The following UBASH3B variants were observed in gnomAD, a reference collection of about 807,000 sequenced individuals.
UBASH3B encodes the protein ubiquitin-associated and SH3 domain-containing protein B.
Under a neutral mutation model 83.4 loss-of-function variants are expected in UBASH3B, and 37 were observed. The observed-to-expected ratio is 0.44, with a 90% CI of 0.34 to 0.58. UBASH3B has a LOEUF of 0.58. Among genes scored for constraint, UBASH3B ranks in the 20% least tolerant of loss-of-function variants. UBASH3B has a pLI of 0.01. For missense variants in UBASH3B, 657 were observed against 827.2 expected (o/e 0.79, Z 2.52); for synonymous variants, 304 against 318.3 (o/e 0.96, Z 0.48).
rs1864216101 is a variant in UBASH3B, at chr11:122,712,905, T to TTG, written c.161+56696_161+56697insGT. On this transcript the variant is annotated intron_variant, in intron 1 of 13. Transcript: ENST00000284273. Reference sequence around the variant, plus strand: ...CTTTCTTCTCTGGGTGGTTTTTTTTTTTTTTTTTTTTTTTTTTTTTTGAGA... The same window carrying TTG: ...CTTTCTTCTCTGGGTGGTTTTTTTTTTGTTTTTTTTTTTTTTTTTTTTTGAGA... Among the ~76,000 whole-genome samples, 2 of 92,998 alleles carry TTG rather than the reference T, an allele frequency of 2.2e-5. 1 individual carries two copies. Among genetic ancestry groups the TTG allele is most frequent in the South Asian group, 7.1e-4 (2 of 2,816 alleles). 61.0% of individuals were successfully genotyped at this position (92,998 alleles called of 152,430 possible). A position where few individuals can be genotyped will look rare whatever the true frequency, so the allele number is the denominator to read the frequency against.
intron 1 of UBASH3B, among the ~76,000 whole-genome samples, chr11:122,760,272 A>T (rs1386510824): frequency 1.3e-5 from 2 of 152,102 alleles, no homozygotes; most frequent in African/African-American, 2.4e-5. Flanking sequence ...AATGCAAGTG[A>T]GTGTTAAAGG....
chr11:122,742,482 T>C (rs1259478502), intron 1 of UBASH3B, among the ~76,000 whole-genome samples: 2 of 152,204 alleles, frequency 1.3e-5, no homozygotes, highest in Non-Finnish European at 2.9e-5. Context: ...AAGGAGACCA[T>C]GGTCTGCTAC....
At chr11:122,666,867 C>A (rs571267677) in intron 1 of UBASH3B, among the ~76,000 whole-genome samples, 1 of 151,568 alleles carries the variant, frequency 6.6e-6, no homozygotes, top group East Asian at 1.9e-4. Flanking sequence ...TTTCTCTTCC[C>A]CTCCTCTCTC....
chr11:122,790,247 C>CCCTA (rs1861028265), intron 6 of UBASH3B, among the ~76,000 whole-genome samples: 1 of 152,046 alleles, frequency 6.6e-6, no homozygotes, highest in South Asian at 2.1e-4. Flanking sequence ...AATAAAGGTC[C>CCCTA]CCTACCCTAG....
chr11:122,667,756 C>T (rs1863539238), intron 1 of UBASH3B, among the ~76,000 whole-genome samples: 1 of 152,112 alleles, frequency 6.6e-6, no homozygotes, highest in African/African-American at 2.4e-5. Context: ...CAGAGGTAGA[C>T]GCTCAGAAAT....
In UBASH3B at chr11:122,771,521, G is replaced by A. The variant is rs185007527; in HGVS notation, c.162-4698G>A. ...CTCCCAAAGTGCTGGGATTACAGGC[G>A]TGAGCCACCGTGTCCAGCCTCTTAC... On this transcript the variant is annotated intron_variant, in intron 1 of 13. Transcript: ENST00000284273. 1.7e-3 allele frequency among the ~76,000 whole-genome samples: 263 copies of A among 152,282 alleles called. 1 individual carries two copies. The highest frequency in any genetic ancestry group is 6.0e-3 in the African/African-American group (250 of 41,564).
At chr11:122,787,608 G>A (rs962183230) in intron 5 of UBASH3B, among the ~76,000 whole-genome samples, 1 of 152,106 alleles carries the variant, frequency 6.6e-6, no homozygotes, top group Non-Finnish European at 1.5e-5. Flanking sequence ...TAGTTCACAG[G>A]CCTACCCAGC....
chr11:122,808,673 T>A (rs2135194660), intron 13 of UBASH3B, among the ~76,000 whole-genome samples: 1 of 152,374 alleles, frequency 6.6e-6, no homozygotes, highest in East Asian at 1.9e-4. Flanking sequence ...TCTTCCTTTC[T>A]GTGCCTGTGG....
At chr11:122,699,744 A>T (rs1449476604) in intron 1 of UBASH3B, among the ~76,000 whole-genome samples, 1 of 151,934 alleles carries the variant, frequency 6.6e-6, no homozygotes, top group Non-Finnish European at 1.5e-5. Context: ...CATGACAGCC[A>T]GATAATTTTT....
rs754409091 is a variant in UBASH3B at position 122,777,036 on chromosome 11, T to C, written c.228T>C (p.His76=). 4.4e-6 allele frequency: 7 copies of C among 1,608,448 alleles called. No homozygotes were observed. Among genetic ancestry groups the C allele is most frequent in the African/African-American group, 1.3e-5 (1 of 74,638 alleles). ...VQAACDWLFS[H]VGDPFLDDPL... is the part of the protein sequence containing the mutation. Reference sequence around the variant, plus strand: ...TTCTGTCTTACAGGTTATTCTCCCATGTCGGTGACCCCTTCCTGGATGACC... The same window carrying C: ...TTCTGTCTTACAGGTTATTCTCCCACGTCGGTGACCCCTTCCTGGATGACC... The change falls in exon 3 of 14, where the codon CAT becomes CAC. Residue 76 remains histidine (H), a synonymous_variant. Coordinates refer to ENST00000284273, the MANE Select transcript of UBASH3B (RefSeq NM_032873.5).
chr11:122,766,028 T>A (rs1860529827), intron 1 of UBASH3B, among the ~76,000 whole-genome samples: 1 of 152,100 alleles, frequency 6.6e-6, no homozygotes, highest in Admixed American at 6.5e-5. Context: ...GGCCTTTCAC[T>A]AGGCTGTGAA....
chr11:122,778,170 T>C (rs1395443979), intron 3 of UBASH3B, among the ~76,000 whole-genome samples: 1 of 152,222 alleles, frequency 6.6e-6, no homozygotes, highest in South Asian at 2.1e-4. Context: ...TTAAACCATT[T>C]TTATAAAAAA....
At chr11:122,712,896 G>GTTTTTTTTTTTTTTTTTTT (rs386375116) in intron 1 of UBASH3B, among the ~76,000 whole-genome samples, 2 of 64,498 alleles carry the variant, frequency 3.1e-5, no homozygotes, top group Non-Finnish European at 5.3e-5. Flanking sequence ...TCTCTGGGTG[G>GTTTTTTTTTTTTTTTTTTT]TTTTTTTTTT....
chr11:122,686,504 T>C (rs1279851820), intron 1 of UBASH3B, among the ~76,000 whole-genome samples: 2 of 152,172 alleles, frequency 1.3e-5, no homozygotes, highest in African/African-American at 4.8e-5. Context: ...GAGATGGTAC[T>C]GAGATGGTCT....
At chr11:122,786,064 T>C (rs1860944375) in intron 5 of UBASH3B, among the ~76,000 whole-genome samples, 1 of 152,210 alleles carries the variant, frequency 6.6e-6, no homozygotes, top group South Asian at 2.1e-4. Flanking sequence ...TTTTTGTTTT[T>C]GTTGAGACGG....
intron 1 of UBASH3B, among the ~76,000 whole-genome samples, chr11:122,711,319 G>A (rs182687045): frequency 1.3e-3 from 201 of 152,302 alleles, no homozygotes; most frequent in African/African-American, 4.5e-3. Context: ...GAGAGGAGAG[G>A]TAATCAGACC....
At position 122,810,075 on chromosome 11, in the gene UBASH3B, A is replaced by G. The variant is rs569749212; in HGVS notation, c.*189A>G. The G allele has an allele frequency of 1.3e-3, 884 of 665,330 alleles. 2 individuals are homozygous for G. Among genetic ancestry groups the G allele is most frequent in the Non-Finnish European group, 1.2e-3 (489 of 417,220 alleles). 41.2% of individuals were successfully genotyped at this position (665,330 alleles called of 1,614,324 possible). ...GAAAGACTTGATTCAGAGGAAAAAAATGTGTTCTCTCTGGACTCTTGCCTA... is the reference window on the plus strand; with the variant it reads ...GAAAGACTTGATTCAGAGGAAAAAAGTGTGTTCTCTCTGGACTCTTGCCTA... On this transcript the variant is annotated 3_prime_UTR_variant, in exon 14 of 14. Coordinates refer to ENST00000284273, the MANE Select transcript of UBASH3B (RefSeq NM_032873.5).
intron 1 of UBASH3B, among the ~76,000 whole-genome samples, chr11:122,674,724 GTTTTTTT>G (rs35117227): frequency 2.7e-5 from 3 of 112,318 alleles, no homozygotes; most frequent in Non-Finnish European, 3.5e-5. Flanking sequence ...TCTGCAGTTA[GTTTTTTT>G]TTTTTTTTTT....
chr11:122,750,274 C>G (rs1220629887), intron 1 of UBASH3B, among the ~76,000 whole-genome samples: 1 of 152,158 alleles, frequency 6.6e-6, no homozygotes, highest in Admixed American at 6.5e-5. Context: ...GCCCCCCCAC[C>G]TTTCTTCTTT....
Sources: gnomAD v4.1 joint callset for allele counts (sites outside exome capture counted in the v4.1 genomes callset) on GRCh38, gnomAD v4.1.1 for gene constraint, MANE v1.5 for transcripts, NCBI Gene and HGNC (gene_info 2026-07-23, HGNC 2026-07-21) for gene names.